Variants in SEMA3D observed in about 807,000 individuals in gnomAD.
SEMA3D encodes the protein semaphorin 3D, also known as semaphorin-3D.
A neutral mutation model predicts 100.1 loss-of-function variants in SEMA3D; 84 were observed. That is an observed-to-expected ratio of 0.84 (90% CI 0.70 to 1.01). SEMA3D has a LOEUF of 1.01. SEMA3D is among the 50% of genes least tolerant of loss of function. The pLI, the probability that SEMA3D is intolerant of heterozygous loss-of-function variation, is 0.00. For synonymous variants in SEMA3D, 312 were observed against 320.7 expected, an observed-to-expected ratio of 0.97 and a Z score of 0.29; for missense variants, 875 against 934.1, an observed-to-expected ratio of 0.94 and a Z score of 0.82.
At chr7:85,165,231 T>G (rs1790871154) in intron 1 of SEMA3D, among the ~76,000 whole-genome samples, 1 of 150,854 alleles carries the variant, frequency 6.6e-6, no homozygotes, top group Admixed American at 6.6e-5. Context: ...TAATAAAACT[T>G]TTTTATGTAA....
chr7:85,020,409 C>T (rs776697975), intron 13 of SEMA3D, 88 bp from the exon 14 acceptor site: 116 of 834,064 alleles, frequency 1.4e-4, no homozygotes, highest in Non-Finnish European at 2.2e-4. Flanking sequence ...AATCATTCCC[C>T]TCACTTCTCT....
intron 4 of SEMA3D, among the ~76,000 whole-genome samples, chr7:85,089,722 G>A (rs1247051220): frequency 6.6e-6 from 1 of 151,856 alleles, no homozygotes; most frequent in African/African-American, 2.4e-5. Flanking sequence ...CTGTCTCTAT[G>A]AAAAATAATA....
rs537343436 is a variant in SEMA3D, at chr7:85,122,078, G to A, written c.-40-147C>T. ...CAGGGAGGGGAACATAGCATACCAG[G>A]GCCTGTTGGGGGCTGGGGGCTGGGG... On this transcript the variant is annotated intron_variant, in intron 2 of 18. Coordinates refer to ENST00000284136, the MANE Select transcript of SEMA3D (RefSeq NM_001384900.1). 20 of 504,518 alleles carry A rather than the reference G, an allele frequency of 4.0e-5. No individual in the cohort carries two copies. In the East Asian group the frequency reaches 5.0e-4, roughly 13 times the overall value. 31.3% of individuals were successfully genotyped at this position (504,518 alleles called of 1,614,324 possible).
intron 12 of SEMA3D, among the ~76,000 whole-genome samples, chr7:85,036,563 T>G (rs181147625): frequency 5.9e-5 from 9 of 152,232 alleles, no homozygotes; most frequent in Admixed American, 5.9e-4. Flanking sequence ...ATAATACTTC[T>G]TTGACATTTC....
intron 6 of SEMA3D, among the ~76,000 whole-genome samples, chr7:85,069,557 T>C (rs143862149): frequency 3.9e-4 from 59 of 152,256 alleles, no homozygotes; most frequent in African/African-American, 1.3e-3. Context: ...CTGACTGAAT[T>C]AATGGTGCTC....
chr7:85,050,120 C>CAG (rs980870075), intron 9 of SEMA3D, among the ~76,000 whole-genome samples: 97 of 139,822 alleles, frequency 6.9e-4, no homozygotes, highest in African/African-American at 2.1e-3. Flanking sequence ...CACACACACA[C>CAG]AGAGACAGAG....
the SEMA3D span, among the ~76,000 whole-genome samples, chr7:85,246,924 C>G: frequency 6.6e-6 from 1 of 151,478 alleles, no homozygotes; most frequent in Non-Finnish European, 1.5e-5. Flanking sequence ...AAAACTACAA[C>G]TACCTGCAAC....
At chr7:85,229,580 T>G in the SEMA3D span, among the ~76,000 whole-genome samples, 1 of 152,078 alleles carries the variant, frequency 6.6e-6, no homozygotes, top group East Asian at 1.9e-4. Flanking sequence ...AAATTTAATA[T>G]GAGTGTAACT....
chr7:85,018,838 C>T (rs991948495), intron 14 of SEMA3D, among the ~76,000 whole-genome samples: 2 of 151,522 alleles, frequency 1.3e-5, no homozygotes, highest in African/African-American at 2.4e-5. Context: ...AAATATGGCT[C>T]AATGCATGCA....
intron 1 of SEMA3D, among the ~76,000 whole-genome samples, chr7:85,165,904 C>A (rs953320892): frequency 1.3e-5 from 2 of 151,882 alleles, no homozygotes; most frequent in Non-Finnish European, 2.9e-5. Context: ...AGAGAAGATG[C>A]TAAAAACAAG....
chr7:85,149,409 C>T (rs943678695), intron 2 of SEMA3D, among the ~76,000 whole-genome samples: 11 of 152,148 alleles, frequency 7.2e-5, no homozygotes, highest in African/African-American at 2.4e-4. Flanking sequence ...GATCGTGTCA[C>T]TGCGTTCCAG....
chr7:85,100,577 G>A (rs1253690516), intron 3 of SEMA3D, among the ~76,000 whole-genome samples: 1 of 151,736 alleles, frequency 6.6e-6, no homozygotes, highest in East Asian at 1.9e-4. Flanking sequence ...TGATGAGAAA[G>A]ATAAAAAGAG....
intron 1 of SEMA3D, among the ~76,000 whole-genome samples, chr7:85,170,129 C>G (rs1791046951): frequency 6.6e-6 from 1 of 151,478 alleles, no homozygotes; most frequent in Non-Finnish European, 1.5e-5. Flanking sequence ...ATGCTGGGCC[C>G]TAAATATTAA....
chr7:85,177,221 T>C (rs1347173054), intron 1 of SEMA3D, among the ~76,000 whole-genome samples: 4 of 152,128 alleles, frequency 2.6e-5, no homozygotes, highest in Admixed American at 6.5e-5. Context: ...TAAAATATAA[T>C]AGGGAGATAG....
chr7:85,091,374 C>T (rs1312899544), intron 4 of SEMA3D, among the ~76,000 whole-genome samples: 6 of 152,064 alleles, frequency 3.9e-5, no homozygotes, highest in East Asian at 1.9e-4. Context: ...AGGTTTGAAC[C>T]GCTTCCAAAA....
the SEMA3D span, among the ~76,000 whole-genome samples, chr7:85,208,743 G>C: frequency 6.6e-6 from 1 of 152,030 alleles, no homozygotes; most frequent in Non-Finnish European, 1.5e-5. Flanking sequence ...GAAAGGTGGG[G>C]TGGCAAAGAC....
chr7:85,012,958 A>C (rs1205408769), intron 16 of SEMA3D, 112 bp from the exon 17 acceptor site: 1 of 753,948 alleles, frequency 1.3e-6, no homozygotes, highest in Non-Finnish European at 2.2e-6. Flanking sequence ...CTTGTCTTAC[A>C]GTTCAACTTA....
At chr7:85,075,675 C>T (rs1017130564) in intron 5 of SEMA3D, among the ~76,000 whole-genome samples, 2 of 152,146 alleles carry the variant, frequency 1.3e-5, no homozygotes, top group Admixed American at 6.5e-5. Context: ...TGTGCTCAGT[C>T]AAATTTTTCT....
At chr7:85,090,322 TGGGACCTGCACATCAGCACCCGGGCTA>T (rs1788346659) in intron 4 of SEMA3D, among the ~76,000 whole-genome samples, 1 of 152,104 alleles carries the variant, frequency 6.6e-6, no homozygotes, top group African/African-American at 2.4e-5. Context: ...AGTAACCAGA[TGGGACCTGCACATCAGCACCCGGGCTA>T]GGGAGCCAGC....
Sources: gnomAD v4.1 joint callset for allele counts (sites outside exome capture counted in the v4.1 genomes callset) on GRCh38, gnomAD v4.1.1 for gene constraint, MANE v1.5 for transcripts, NCBI Gene and HGNC (gene_info 2026-07-23, HGNC 2026-07-21) for gene names.